HS3ST2: variants seen among roughly 807,000 people sequenced by gnomAD.
HS3ST2 encodes heparan sulfate-glucosamine 3-sulfotransferase 2, also known as heparan sulfate glucosamine 3-O-sulfotransferase 2.
In HS3ST2, 17 loss-of-function variants were observed where a neutral mutation model predicts 26.3. The observed-to-expected ratio is 0.65, with a 90% confidence interval of 0.44 to 0.97. The LOEUF (loss-of-function observed/expected upper bound fraction) is 0.97. Among genes scored for constraint, HS3ST2 ranks in the 50% least tolerant of loss-of-function variants. The pLI is 0.00. For missense variants in HS3ST2, 402 were observed against 501.2 expected (o/e 0.80, Z 1.89); for synonymous variants, 237 against 219.2 (o/e 1.08, Z -0.72).
rs191511209 is a variant in HS3ST2, at chr16:22,845,000, G to T, written c.485+29905G>T. On this transcript the variant is annotated intron_variant, in intron 1 of 1. Transcript: ENST00000261374. ...CTCCCAAGTAGCTGGGATTACAGGT[G>T]CCTGCCACCATGCCTGGCTAATTTT... 7.7e-4 allele frequency among the ~76,000 whole-genome samples: 116 copies of T among 150,164 alleles called. No homozygotes were observed. In the South Asian group the frequency reaches 0.016, roughly 21 times the overall value.
chr16:22,837,341 GCCCATA>G (rs988730537), intron 1 of HS3ST2, among the ~76,000 whole-genome samples: 2 of 151,694 alleles, frequency 1.3e-5, no homozygotes, highest in African/African-American at 4.8e-5. Context: ...GGAAGGCTGA[GCCCATA>G]GCAAGTACTA....
chr16:22,899,638 TAGACTCACAGTTCAGCGTGGCTGAGGAG>T (rs1294028583), intron 1 of HS3ST2, among the ~76,000 whole-genome samples: 1 of 152,112 alleles, frequency 6.6e-6, no homozygotes, highest in Non-Finnish European at 1.5e-5. Flanking sequence ...AGAGGTTTAA[TAGACTCACAGTTCAGCGTGGCTGAGGAG>T]GCCTCAGAAT....
At chr16:22,888,764 C>A (rs1490167536) in intron 1 of HS3ST2, among the ~76,000 whole-genome samples, 1 of 152,142 alleles carries the variant, frequency 6.6e-6, no homozygotes, top group Non-Finnish European at 1.5e-5. Context: ...TGTTGCCTGC[C>A]ACTTCATCTG....
chr16:22,824,876 G>T (rs1901059517), intron 1 of HS3ST2, among the ~76,000 whole-genome samples: 1 of 152,116 alleles, frequency 6.6e-6, no homozygotes. Context: ...AGTGCTTGCT[G>T]CTGGGTGAAG....
intron 1 of HS3ST2, among the ~76,000 whole-genome samples, chr16:22,898,985 C>T (rs567496791): frequency 6.6e-6 from 1 of 152,286 alleles, no homozygotes; most frequent in African/African-American, 2.4e-5. Flanking sequence ...GCAATTGGAT[C>T]ACCTCCAACT....
chr16:22,829,601 G>T (rs942269659), intron 1 of HS3ST2, among the ~76,000 whole-genome samples: 5 of 152,132 alleles, frequency 3.3e-5, no homozygotes, highest in Non-Finnish European at 5.9e-5. Context: ...GGACATGTCT[G>T]TGGGCTGGAT....
At chr16:22,827,365 T>C (rs551887082) in intron 1 of HS3ST2, among the ~76,000 whole-genome samples, 57 of 152,322 alleles carry the variant, frequency 3.7e-4, no homozygotes, top group African/African-American at 1.3e-3. Flanking sequence ...TATTGGCTAG[T>C]GTTGAGTTAA....
chr16:22,912,502 C>G (rs1386201759), intron 1 of HS3ST2, among the ~76,000 whole-genome samples: 2 of 152,112 alleles, frequency 1.3e-5, no homozygotes, highest in Non-Finnish European at 2.9e-5. Flanking sequence ...TTGGGGAGTT[C>G]TTGGCTTTGC....
At chr16:22,826,603 T>C (rs1466539975) in intron 1 of HS3ST2, among the ~76,000 whole-genome samples, 1 of 152,226 alleles carries the variant, frequency 6.6e-6, no homozygotes, top group East Asian at 1.9e-4. Context: ...TATTCATGAC[T>C]GTATCCCTGA....
intron 1 of HS3ST2, among the ~76,000 whole-genome samples, chr16:22,907,906 G>A (rs1268213383): frequency 3.3e-5 from 5 of 152,174 alleles, no homozygotes; most frequent in Admixed American, 3.3e-4. Context: ...GGGAGGCTGA[G>A]GTGGATGGAT....
intron 1 of HS3ST2, among the ~76,000 whole-genome samples, chr16:22,824,743 G>T (rs457746): frequency 0.14 from 21,904 of 152,134 alleles, 1,711 homozygotes; most frequent in East Asian, 0.22. Context: ...AATTTCCCTT[G>T]GTTAACAGAG....
At chr16:22,871,665 G>T (rs192821364) in intron 1 of HS3ST2, among the ~76,000 whole-genome samples, 2 of 152,080 alleles carry the variant, frequency 1.3e-5, no homozygotes, top group African/African-American at 4.8e-5. Context: ...CTCTAGGCTC[G>T]GGAACAGTAC....
chr16:22,905,731 T>G (rs1441653807), intron 1 of HS3ST2, among the ~76,000 whole-genome samples: 2 of 152,174 alleles, frequency 1.3e-5, no homozygotes, highest in African/African-American at 2.4e-5. Flanking sequence ...ATGGGATGGG[T>G]GTGGCCAGGG....
chr16:22,888,069 C>A (rs1163023533), intron 1 of HS3ST2, among the ~76,000 whole-genome samples: 1 of 152,206 alleles, frequency 6.6e-6, no homozygotes, highest in African/African-American at 2.4e-5. Flanking sequence ...CCAGTGGGAC[C>A]AAGCCTCAGT....
chr16:22,841,428 A>G (rs1901354826), intron 1 of HS3ST2, among the ~76,000 whole-genome samples: 1 of 152,192 alleles, frequency 6.6e-6, no homozygotes. Flanking sequence ...AACCAGCTTG[A>G]CAGCCTCACT....
chr16:22,847,805 AAGG>A (rs1341599925), intron 1 of HS3ST2, among the ~76,000 whole-genome samples: 2 of 151,376 alleles, frequency 1.3e-5, no homozygotes, highest in Non-Finnish European at 1.5e-5. Context: ...GAAAGAGGAG[AAGG>A]AGGAGGAGGA....
intron 1 of HS3ST2, among the ~76,000 whole-genome samples, chr16:22,818,756 CCTTCATT>C (rs1356932980): frequency 1.4e-4 from 7 of 48,880 alleles, no homozygotes; most frequent in Non-Finnish European, 2.6e-4. Context: ...TTCCTTCCTT[CCTTCATT>C]CCTTCCTTCC....
chr16:22,840,489 T>C (rs1901336411), intron 1 of HS3ST2, among the ~76,000 whole-genome samples: 1 of 152,088 alleles, frequency 6.6e-6, no homozygotes, highest in Non-Finnish European at 1.5e-5. Flanking sequence ...TTCAAGAGAT[T>C]CTCCTGCCTC....
intron 1 of HS3ST2, among the ~76,000 whole-genome samples, chr16:22,835,666 T>A (rs1381400550): frequency 6.6e-6 from 1 of 152,174 alleles, no homozygotes; most frequent in African/African-American, 2.4e-5. Flanking sequence ...TATTGAGAAG[T>A]CTTACAAATC....
Sources: allele counts gnomAD v4.1 joint callset (sites outside exome capture counted in the v4.1 genomes callset), GRCh38; gene constraint gnomAD v4.1.1; transcripts MANE v1.5; gene names NCBI Gene and HGNC (gene_info 2026-07-23, HGNC 2026-07-21).